Variants in MBD3 observed in about 807,000 individuals in gnomAD.
The protein encoded by MBD3 is methyl-CpG binding domain protein 3, also known as methyl-CpG-binding domain protein 3.
In MBD3, 13 loss-of-function variants were observed where a neutral mutation model predicts 31.2. That is an observed-to-expected ratio of 0.42 (90% CI 0.27 to 0.66). MBD3 has a LOEUF of 0.66. Among genes scored for constraint, MBD3 ranks in the 30% least tolerant of loss-of-function variants. The pLI, the probability that MBD3 is intolerant of heterozygous loss-of-function variation, is 0.26. For synonymous variants in MBD3, 223 were observed against 187.4 expected (o/e 1.19, Z -1.55); for missense variants, 440 against 426.5 (o/e 1.03, Z -0.28).
chr19:1,578,069 T>A lies in MBD3; in HGVS notation c.*95A>T. 1 of 573,270 alleles carries A rather than the reference T, an allele frequency of 1.7e-6. No individual in the cohort carries two copies. The highest frequency in any genetic ancestry group is 1.9e-5 in the African/African-American group (1 of 53,378). The allele number at this position is 573,270 out of a possible 1,614,324, so 35.5% of individuals were successfully genotyped here. ...CCTTCCTCCTGGGTGTCTCCAAGGCTGGGCTTCGCCGCCGAGCCTGGTTCA... is the reference window on the plus strand; with the variant it reads ...CCTTCCTCCTGGGTGTCTCCAAGGCAGGGCTTCGCCGCCGAGCCTGGTTCA... On this transcript the variant is annotated 3_prime_UTR_variant, in exon 7 of 7. Transcript: ENST00000434436. This position sits in a 1 kb window ranked among gnomAD's most constrained non-coding sequence, Gnocchi z 6.1.
chr19:1,589,096 C>G (rs756555556), intron 1 of MBD3, among the ~76,000 whole-genome samples: 1 of 152,120 alleles, frequency 6.6e-6, no homozygotes, highest in Non-Finnish European at 1.5e-5. Flanking sequence ...CTTTGGGAAG[C>G]AAAGGAGGGC....
In MBD3 at chr19:1,585,563, TC is replaced by T; in HGVS notation, c.111-350del. 5.9e-6 allele frequency: 2 copies of T among 337,446 alleles called. No homozygotes were observed. The highest frequency in any genetic ancestry group is 7.4e-5 in the East Asian group (1 of 13,524). 20.9% of individuals were successfully genotyped at this position (337,446 alleles called of 1,614,324 possible). A position where few individuals can be genotyped will look rare whatever the true frequency, so the allele number is the denominator to read the frequency against. ...ACCCCCAACCCCGGTCCCCTCTGAA[TC>T]CTCCCCACCGTAGGCCCTGGCAGCG... On this transcript the variant is annotated intron_variant, in intron 1 of 6. Transcript: ENST00000434436. The surrounding 1 kb of genome is among the most constrained non-coding windows in gnomAD (Gnocchi z 4.1).
chr19:1,582,275 GGA>G (rs2060656090), intron 4 of MBD3, among the ~76,000 whole-genome samples: 1 of 152,154 alleles, frequency 6.6e-6, no homozygotes, highest in African/African-American at 2.4e-5. Context: ...GGACGTGCTG[GGA>G]GAGTACAGAA....
Position 1,588,422 on chromosome 19 carries a change from C to T in MBD3, c.111-3208G>A, listed in dbSNP as rs1599348159. 2.6e-5 allele frequency among the ~76,000 whole-genome samples: 4 copies of T among 152,252 alleles called. No homozygotes were observed. The South Asian group carries it at 8.3e-4, about 32-fold the overall frequency. ...CACAAGGAAGGAAGAAGAGACCCCA[C>T]AAAACACTCCCAACAGCTCTTTGCC... On this transcript the variant is annotated intron_variant, in intron 1 of 6. Coordinates refer to ENST00000434436, the MANE Select transcript of MBD3 (RefSeq NM_001281453.2).
intron 1 of MBD3, chr19:1,592,004 G>C (rs140780846): frequency 6.6e-6 from 1 of 152,288 alleles, no homozygotes; most frequent in African/African-American, 2.4e-5. Context: ...AAGCAACGCT[G>C]CGTGGGAGAC....
intron 1 of MBD3, among the ~76,000 whole-genome samples, chr19:1,591,812 C>G (rs1271467904): frequency 6.6e-6 from 1 of 152,056 alleles, no homozygotes; most frequent in African/African-American, 2.4e-5. Context: ...TTCAGAGCAG[C>G]GCCTTGTTCC....
intron 1 of MBD3, among the ~76,000 whole-genome samples, chr19:1,589,296 A>ACC (rs2060693208): frequency 6.9e-6 from 1 of 144,698 alleles, no homozygotes; most frequent in Non-Finnish European, 1.5e-5. Flanking sequence ...GCAGCATTGC[A>ACC]CTGCAACATT....
chr19:1,592,417 A>G (rs2060709101), intron 1 of MBD3, 105 bp downstream of exon 1: 1 of 297,538 alleles, frequency 3.4e-6, no homozygotes, highest in Non-Finnish European at 5.6e-6. Context: ...CGCACGACGC[A>G]CGCGCGGGGC....
Position 1,575,641 on chromosome 19 carries a change from C to G in MBD3, c.*2523G>C, listed in dbSNP as rs1474336012. ...CGCCCAGGGGGTTCAGCCTGAGGGT[C>G]TGAGACTTTTCCAGGGCAGGGAATT... On this transcript the variant is annotated 3_prime_UTR_variant, in exon 7 of 7. Coordinates refer to ENST00000434436, the MANE Select transcript of MBD3 (RefSeq NM_001281453.2). 1 of 162,116 alleles carries G rather than the reference C, an allele frequency of 6.2e-6. No individual in the cohort carries two copies. The highest frequency in any genetic ancestry group is 1.4e-5 in the Non-Finnish European group (1 of 73,616). 10.0% of individuals were successfully genotyped at this position (162,116 alleles called of 1,614,324 possible). A position where few individuals can be genotyped will look rare whatever the true frequency, so the allele number is the denominator to read the frequency against.
In MBD3 at chr19:1,592,711, C is replaced by G; in HGVS notation, c.-80G>C. ...CTCGCCGCCGCCGCCTCAGCTGCCT[C>G]CGCTGCCGCTGCCGCCGCCGCCACT... On this transcript the variant is annotated 5_prime_UTR_variant, in exon 1 of 7. Transcript: ENST00000434436. The G allele has an allele frequency of 3.0e-6, 1 of 332,928 alleles. No homozygotes were observed. Among genetic ancestry groups the G allele is most frequent in the Non-Finnish European group, 4.3e-6 (1 of 232,078 alleles). 20.6% of individuals were successfully genotyped at this position (332,928 alleles called of 1,614,324 possible). A position where few individuals can be genotyped will look rare whatever the true frequency, so the allele number is the denominator to read the frequency against.
rs2145586658 is a variant in MBD3 at position 1,576,322 on chromosome 19, G to A, written c.*1842C>T. The stretch of plus-strand genomic sequence containing the variant: ...TCCCTGCAGCGGCTGTGCAGGACCT[G>A]AGGACCTGGGGGGCCCTCCCTGCCA... On this transcript the variant is annotated 3_prime_UTR_variant, in exon 7 of 7. Coordinates refer to ENST00000434436, the MANE Select transcript of MBD3 (RefSeq NM_001281453.2). The A allele has an allele frequency of 6.6e-6, 1 of 152,402 alleles. No individual in the cohort carries two copies. The highest frequency in any genetic ancestry group is 2.1e-4 in the South Asian group (1 of 4,828). 9.4% of individuals were successfully genotyped at this position (152,402 alleles called of 1,614,324 possible).
At chr19:1,582,738 C>G (rs777124472) in intron 3 of MBD3, 26 bp from the exon 4 acceptor site, 1 of 1,599,314 alleles carries the variant, frequency 6.3e-7, no homozygotes, top group Non-Finnish European at 8.5e-7. Flanking sequence ...ATGTGAACCT[C>G]AAGAGTGGCC....
chr19:1,589,393 C>T (rs1264524420), intron 1 of MBD3, among the ~76,000 whole-genome samples: 1 of 148,068 alleles, frequency 6.8e-6, no homozygotes, highest in East Asian at 2.1e-4. Flanking sequence ...TGGCTTTCAT[C>T]TGTAATCCCA....
At chr19:1,579,642 TC>T (rs763393380) in intron 5 of MBD3, among the ~76,000 whole-genome samples, 45 of 152,090 alleles carry the variant, frequency 3.0e-4, no homozygotes, top group Non-Finnish European at 5.0e-4. Flanking sequence ...TCTCACTCTG[TC>T]CCCACCACCC....
At position 1,574,568 on chromosome 19, in the gene MBD3, GC is replaced by G. The variant is rs1915047149; in HGVS notation, c.*3595del. On this transcript the variant is annotated 3_prime_UTR_variant, in exon 7 of 7. Transcript: ENST00000434436. ...TGGCCGAGTCCTGCTCCATGGTGTGGCCGGGCCGGGCTGTGTTCGTTCATCC... is the reference window on the plus strand; with the variant it reads ...TGGCCGAGTCCTGCTCCATGGTGTGGCGGGCCGGGCTGTGTTCGTTCATCC... 1.3e-5 allele frequency: 2 copies of G among 152,770 alleles called. No homozygotes were observed. Among genetic ancestry groups the G allele is most frequent in the Non-Finnish European group, 2.9e-5 (2 of 68,476 alleles). The allele number at this position is 152,770 out of a possible 1,614,324, so 9.5% of individuals were successfully genotyped here.
At chr19:1,582,530 G>T in intron 4 of MBD3, 92 bp downstream of exon 4, 1 of 1,234,810 alleles carries the variant, frequency 8.1e-7, no homozygotes, top group Non-Finnish European at 1.2e-6. Flanking sequence ...AGCAGGAACA[G>T]CCATCCACCC....
intron 4 of MBD3, 184 bp from the exon 5 acceptor site, chr19:1,581,453 G>A: frequency 5.9e-6 from 4 of 678,668 alleles, no homozygotes; most frequent in Admixed American, 4.8e-5. Context: ...AGAAAAAAAA[G>A]CAAGTTAGGC....
intron 3 of MBD3, chr19:1,583,453 G>A (rs1030403353): frequency 4.7e-5 from 7 of 149,844 alleles, no homozygotes; most frequent in African/African-American, 1.7e-4. Flanking sequence ...TTTTTAAGAA[G>A]TAGGTTACAC....
chr19:1,581,928 C>T (rs377169408), intron 4 of MBD3, among the ~76,000 whole-genome samples: 13 of 152,184 alleles, frequency 8.5e-5, no homozygotes, highest in African/African-American at 2.4e-4. Context: ...CCACTACACC[C>T]GGCTAATTTT....
Sources: gnomAD v4.1 joint callset for allele counts (sites outside exome capture counted in the v4.1 genomes callset) on GRCh38, gnomAD v4.1.1 for gene constraint, Gnocchi (gnomAD v3.1) non-coding constraint, MANE v1.5 for transcripts, NCBI Gene and HGNC (gene_info 2026-07-23, HGNC 2026-07-21) for gene names.